The following RMDN2 variants were observed in gnomAD, a reference collection of about 807,000 sequenced individuals.
RMDN2 encodes regulator of microtubule dynamics protein 2.
A neutral mutation model predicts 52.8 loss-of-function variants in RMDN2; 61 were observed. The ratio of observed to expected loss-of-function variants is 1.16; its 90% CI spans 0.94 to 1.43. The LOEUF (loss-of-function observed/expected upper bound fraction) is 1.43. RMDN2 is among the 40% of genes most tolerant of loss of function. RMDN2 has a pLI of 0.00. For synonymous variants in RMDN2, 180 were observed against 153.1 expected (o/e 1.18, Z -1.30); for missense variants, 592 against 475.3 (o/e 1.25, Z -2.28).
intron 10 of RMDN2, among the ~76,000 whole-genome samples, chr2:38,035,442 G>C (rs555805016): frequency 1.3e-5 from 2 of 152,020 alleles, no homozygotes; most frequent in Non-Finnish European, 2.9e-5. Context: ...ATGTTCTGAG[G>C]TTCAAATGGA....
chr2:37,968,006 A>G (rs1350264753), intron 2 of RMDN2, among the ~76,000 whole-genome samples: 2 of 152,166 alleles, frequency 1.3e-5, no homozygotes, highest in Non-Finnish European at 2.9e-5. Flanking sequence ...TTATCTTTTA[A>G]TTCCTTTTTT....
chr2:37,980,362 G>A (rs901215633), intron 4 of RMDN2, among the ~76,000 whole-genome samples: 1 of 152,060 alleles, frequency 6.6e-6, no homozygotes, highest in South Asian at 2.1e-4. Flanking sequence ...GGAGTGCAAT[G>A]GCGCAATCTC....
chr2:38,012,971 C>T lies in RMDN2; in HGVS notation c.1180-4215C>T, dbSNP rs541316465. 5.3e-5 allele frequency among the ~76,000 whole-genome samples: 8 copies of T among 152,350 alleles called. No individual in the cohort carries two copies. The South Asian group carries it at 1.4e-3, about 28-fold the overall frequency. On this transcript the variant is annotated intron_variant, in intron 10 of 10. Transcript: ENST00000354545. ...CTATTAGGGAACTCTCAGCTCATCACACTGCTAGTTGATATTGGGAGTGTC... is the reference window on the plus strand; with the variant it reads ...CTATTAGGGAACTCTCAGCTCATCATACTGCTAGTTGATATTGGGAGTGTC...
At chr2:37,967,703 G>C (rs913996557) in intron 2 of RMDN2, among the ~76,000 whole-genome samples, 1 of 152,090 alleles carries the variant, frequency 6.6e-6, no homozygotes, top group South Asian at 2.1e-4. Flanking sequence ...TCCTCTCATC[G>C]AACAAGGGCA....
intron 2 of RMDN2, among the ~76,000 whole-genome samples, chr2:37,957,530 G>A (rs1307504264): frequency 6.6e-6 from 1 of 152,172 alleles, no homozygotes; most frequent in African/African-American, 2.4e-5. Context: ...GTTCCTTGTA[G>A]ATTCTTGATA....
intron 2 of RMDN2, chr2:37,952,169 C>T (rs1436915815): frequency 1.2e-6 from 2 of 1,612,834 alleles, no homozygotes; most frequent in East Asian, 4.5e-5. Flanking sequence ...AAGATGAAGA[C>T]AGATCTTCAC....
At chr2:37,969,380 G>A (rs1671498592) in intron 2 of RMDN2, among the ~76,000 whole-genome samples, 1 of 150,948 alleles carries the variant, frequency 6.6e-6, no homozygotes, top group Non-Finnish European at 1.5e-5. Context: ...ATTCTTTAAT[G>A]TTTTCAGATA....
chr2:38,019,307 C>A (rs1332296203), downstream of RMDN2, among the ~76,000 whole-genome samples: 1 of 152,134 alleles, frequency 6.6e-6, no homozygotes, highest in East Asian at 1.9e-4. Context: ...TGGTGGGTAG[C>A]AGTGGGATTT....
Position 38,008,891 on chromosome 2 carries a change from G to T in RMDN2, c.1179+4675G>T, listed in dbSNP as rs867123262. Among the ~76,000 whole-genome samples, 9 of 152,300 alleles carry T rather than the reference G, an allele frequency of 5.9e-5. No homozygotes were observed. The Middle Eastern group carries it at 0.01, about 173-fold the overall frequency. Reference sequence around the variant, plus strand: ...TGCTTCCTTCAGGAGCTCTTTTAGGGCAGGTCTGGTGGTGACAAAATCTCT... The same window carrying T: ...TGCTTCCTTCAGGAGCTCTTTTAGGTCAGGTCTGGTGGTGACAAAATCTCT... On this transcript the variant is annotated intron_variant, in intron 10 of 10. Transcript: ENST00000354545.
intron 10 of RMDN2, chr2:38,030,581 G>A (rs1204168635): frequency 6.6e-6 from 1 of 152,132 alleles, no homozygotes; most frequent in Non-Finnish European, 1.5e-5. Context: ...CATGTTAAAA[G>A]TTTTCTTTTA....
chr2:38,021,959 A>C (rs1679413691), downstream of RMDN2, among the ~76,000 whole-genome samples: 1 of 152,216 alleles, frequency 6.6e-6, no homozygotes, highest in African/African-American at 2.4e-5. Flanking sequence ...ATATTTTGTC[A>C]ATTTAATCCT....
In RMDN2 at chr2:37,932,805, T is replaced by C. The variant is rs62134015; in HGVS notation, c.452+3076T>C. Among the ~76,000 whole-genome samples the C allele has an allele frequency of 4.7e-3, 434 of 92,172 alleles. 6 individuals are homozygous for C. The highest frequency in any genetic ancestry group is 7.4e-3 in the South Asian group (21 of 2,822). The allele number at this position is 92,172 out of a possible 152,430, so 60.5% of individuals were successfully genotyped here. On this transcript the variant is annotated intron_variant, in intron 2 of 10. Transcript: ENST00000354545. ...TCACCTCCCGGACGGGGCGGCTGGC[T>C]GGGCGGGGGGCTGACCCCCCGACCT...
Position 37,931,603 on chromosome 2 carries a change from T to C in RMDN2, c.452+1874T>C, listed in dbSNP as rs543391231. Among the ~76,000 whole-genome samples, 177 of 152,374 alleles carry C rather than the reference T, an allele frequency of 1.2e-3. 1 individual carries two copies. The highest frequency in any genetic ancestry group is 4.1e-3 in the African/African-American group (171 of 41,586). ...ACTGGTTAAGTTGAGCTTAGGCTTATTCAAGAAGTTCTGAAATTCTAGAAA... is the reference window on the plus strand; with the variant it reads ...ACTGGTTAAGTTGAGCTTAGGCTTACTCAAGAAGTTCTGAAATTCTAGAAA... On this transcript the variant is annotated intron_variant, in intron 2 of 10. Transcript: ENST00000354545.
rs547711408 is a variant in RMDN2, at chr2:38,008,215, G to A, written c.1179+3999G>A. ...GGGGTGGAGAGTTCTGTAGATGTCT[G>A]TTAGGTCCGCTTGGTGCAGAGCTGA... On this transcript the variant is annotated intron_variant, in intron 10 of 10. Coordinates refer to ENST00000354545, the MANE Select transcript of RMDN2 (RefSeq NM_001170791.3). Among the ~76,000 whole-genome samples, 19 of 152,278 alleles carry A rather than the reference G, an allele frequency of 1.2e-4. No individual in the cohort carries two copies. The East Asian group carries it at 2.7e-3, about 22-fold the overall frequency.
downstream of RMDN2, among the ~76,000 whole-genome samples, chr2:38,019,052 G>T (rs1359093975): frequency 6.6e-6 from 1 of 152,206 alleles, no homozygotes; most frequent in African/African-American, 2.4e-5. Flanking sequence ...CTGGTCTAAT[G>T]TTGAAACTCT....
intron 5 of RMDN2, among the ~76,000 whole-genome samples, chr2:37,983,069 C>T (rs919456173): frequency 2.0e-5 from 3 of 151,906 alleles, no homozygotes; most frequent in African/African-American, 7.3e-5. Flanking sequence ...CCTCTGTTCC[C>T]TCCCCTCCTC....
intron 2 of RMDN2, among the ~76,000 whole-genome samples, chr2:37,932,220 T>C (rs1338995618): frequency 1.3e-5 from 2 of 149,598 alleles, no homozygotes; most frequent in Admixed American, 1.3e-4. Flanking sequence ...CCTTCCGCAG[T>C]GTTTGTGTCC....
intron 5 of RMDN2, among the ~76,000 whole-genome samples, chr2:37,986,656 T>C (rs1405904040): frequency 6.6e-6 from 1 of 151,992 alleles, no homozygotes; most frequent in African/African-American, 2.4e-5. Context: ...TCCACCACAT[T>C]AACACACCAA....
intron 10 of RMDN2, among the ~76,000 whole-genome samples, chr2:38,056,932 T>C (rs1021247032): frequency 6.6e-6 from 1 of 152,236 alleles, no homozygotes; most frequent in African/African-American, 2.4e-5. Flanking sequence ...CAATATGGAA[T>C]ATTGCCTTTG....
Sources: gnomAD v4.1 joint callset for allele counts (sites outside exome capture counted in the v4.1 genomes callset) on GRCh38, gnomAD v4.1.1 for gene constraint, MANE v1.5 for transcripts, NCBI Gene and HGNC (gene_info 2026-07-23, HGNC 2026-07-21) for gene names.